NECTIN1: variants seen among roughly 807,000 people sequenced by gnomAD.
NECTIN1 encodes nectin-1.
In NECTIN1, 23 loss-of-function variants were observed where a neutral mutation model predicts 48.0. The observed-to-expected ratio is 0.48, with a 90% confidence interval of 0.34 to 0.68. The LOEUF is 0.68. Ranked by LOEUF, NECTIN1 falls within the 30% of genes least tolerant of loss-of-function variation. NECTIN1 has a pLI of 0.01. For synonymous variants in NECTIN1, 270 were observed against 288.9 expected, an observed-to-expected ratio of 0.93 and a Z score of 0.66; for missense variants, 591 against 709.9, an observed-to-expected ratio of 0.83 and a Z score of 1.90.
chr11:119,715,580 T>C (rs1392973740), intron 1 of NECTIN1, among the ~76,000 whole-genome samples: 1 of 152,068 alleles, frequency 6.6e-6, no homozygotes, highest in Non-Finnish European at 1.5e-5. Context: ...GGTCTCGAAC[T>C]CCTGACCTCA....
intron 5 of NECTIN1, among the ~76,000 whole-genome samples, chr11:119,653,201 C>A (rs1458576200): frequency 6.6e-6 from 1 of 152,128 alleles, no homozygotes; most frequent in Non-Finnish European, 1.5e-5. Context: ...ACAGTTGTTA[C>A]CGTATTCCTC....
chr11:119,670,084 G>C (rs1012603038), intron 5 of NECTIN1, among the ~76,000 whole-genome samples: 3 of 151,202 alleles, frequency 2.0e-5, no homozygotes, highest in African/African-American at 7.3e-5. Context: ...TCAGCCTCTT[G>C]AGTAGCTGGG....
Position 119,675,217 on chromosome 11 carries a change from G to C in NECTIN1, c.945C>G (p.Ile315Met). ...PINYSLAGTY[I>M]CEATNPIGTR... Reference sequence around the variant, plus strand: ...TACCGATGGGGTTGGTGGCCTCACAGATGTAGGTCCCTGCCAGGCTGTAGT... The same window carrying C: ...TACCGATGGGGTTGGTGGCCTCACACATGTAGGTCCCTGCCAGGCTGTAGT... The change falls in exon 5 of 6, where the codon ATC becomes ATG. Residue 315 changes from isoleucine (I) to methionine (M), a missense_variant. Physicochemically the swap from Ile to Met is conservative, Grantham distance 10. Transcript: ENST00000264025. The C allele has an allele frequency of 6.2e-7, 1 of 1,614,196 alleles. No individual in the cohort carries two copies. Among genetic ancestry groups the C allele is most frequent in the South Asian group, 1.1e-5 (1 of 91,078 alleles).
Position 119,664,616 on chromosome 11 carries a change from G to A in NECTIN1, c.*131C>T. The A allele has an allele frequency of 6.9e-7, 1 of 1,441,176 alleles. No homozygotes were observed. The highest frequency in any genetic ancestry group is 9.1e-7 in the Non-Finnish European group (1 of 1,097,254). 89.3% of individuals were successfully genotyped at this position (1,441,176 alleles called of 1,614,324 possible). A position where few individuals can be genotyped will look rare whatever the true frequency, so the allele number is the denominator to read the frequency against. ...CCTGGGCTCCCCTGGCCCCCCAGGA[G>A]TTCGGGGCTGGCTTTGGGCAGCTGG... On this transcript the variant is annotated 3_prime_UTR_variant, in exon 6 of 6. Coordinates refer to ENST00000264025, the MANE Select transcript of NECTIN1 (RefSeq NM_002855.5).
chr11:119,660,780 AAAG>A (rs1864649845), downstream of NECTIN1, among the ~76,000 whole-genome samples: 1 of 152,152 alleles, frequency 6.6e-6, no homozygotes, highest in Non-Finnish European at 1.5e-5. Flanking sequence ...TGCTGTCGTC[AAAG>A]TCCATGGTCT....
In NECTIN1 at chr11:119,683,320, T is replaced by C. The variant is rs117216252; in HGVS notation, c.80-4555A>G. On this transcript the variant is annotated intron_variant, in intron 1 of 5. Transcript: ENST00000264025. The surrounding 1 kb of genome is among the most constrained non-coding windows in gnomAD (Gnocchi z 4.0). ...TGACTGGAGGGATTAGGTCACCTGC[T>C]CAGGGACACAGAACAGCAGCACCCA... Among the ~76,000 whole-genome samples the C allele has an allele frequency of 3.8e-3, 571 of 152,208 alleles. 6 individuals carry two copies. In the East Asian group the frequency reaches 0.048, roughly 13 times the overall value.
rs542744203 is a variant in NECTIN1 at position 119,639,344 on chromosome 11, T to C, written c.1151+521A>G. ...AAAAGTCAGTTATTCTAATCCTGTC[T>C]TTATTTACAATGTGGACGTTTTGTT... On this transcript the variant is annotated intron_variant, in intron 6 of 7. Transcript: ENST00000341398. Among the ~76,000 whole-genome samples, 3 of 152,328 alleles carry C rather than the reference T, an allele frequency of 2.0e-5. No individual in the cohort carries two copies. The South Asian group carries it at 6.2e-4, about 32-fold the overall frequency.
At chr11:119,686,646 C>T (rs568721706) in intron 1 of NECTIN1, among the ~76,000 whole-genome samples, 4 of 152,348 alleles carry the variant, frequency 2.6e-5, no homozygotes, top group African/African-American at 9.6e-5. Flanking sequence ...CCTTGCCACA[C>T]TTAACAATCC....
At position 119,677,037 on chromosome 11, in the gene NECTIN1, C is replaced by T; in HGVS notation, c.851+65G>A. On this transcript the variant is annotated intron_variant, in intron 4 of 5. Coordinates refer to ENST00000264025, the MANE Select transcript of NECTIN1 (RefSeq NM_002855.5). This position sits in a 1 kb window ranked among gnomAD's most constrained non-coding sequence, Gnocchi z 5.4. ...AAGGCTCCTGGAGGTAGGATGGTTGCCCCTCATCACCCGTGGTCCAGTCAG... is the reference window on the plus strand; with the variant it reads ...AAGGCTCCTGGAGGTAGGATGGTTGTCCCTCATCACCCGTGGTCCAGTCAG... The T allele has an allele frequency of 7.2e-7, 1 of 1,379,608 alleles. No individual in the cohort carries two copies. The allele number at this position is 1,379,608 out of a possible 1,614,324, so 85.5% of individuals were successfully genotyped here.
At position 119,668,549 on chromosome 11, in the gene NECTIN1, G is replaced by T. The variant is rs541849110; in HGVS notation, c.1004-3252C>A. ...AGCCTTTACACATGCAGTTTGCCCC[G>T]CCAGGAGTGCCTTTCCTCATCCTCC... On this transcript the variant is annotated intron_variant, in intron 5 of 5. Transcript: ENST00000264025. Among the ~76,000 whole-genome samples the T allele has an allele frequency of 2.7e-4, 41 of 152,228 alleles. No individual in the cohort carries two copies. The South Asian group carries it at 7.7e-3, about 29-fold the overall frequency.
intron 5 of NECTIN1, among the ~76,000 whole-genome samples, chr11:119,669,709 G>T (rs548137494): frequency 1.3e-5 from 2 of 152,156 alleles, no homozygotes; most frequent in East Asian, 3.9e-4. Flanking sequence ...CCGCTTTCCT[G>T]CAGGCTTGCC....
In NECTIN1 at chr11:119,727,941, A is replaced by ACC. The variant is rs1865939588; in HGVS notation, c.79+533_79+534insGG. ...GGAGCCGCCTCTGCCGCAGCAGCCG[A>ACC]CTCTCCGCGCCCGCTGTGGGGCGGT... is the stretch of plus-strand genomic sequence containing the variant. On this transcript the variant is annotated intron_variant, in intron 1 of 5. Transcript: ENST00000264025. This position sits in a 1 kb window ranked among gnomAD's most constrained non-coding sequence, Gnocchi z 4.1. Among the ~76,000 whole-genome samples the ACC allele has an allele frequency of 6.6e-6, 1 of 151,416 alleles. No homozygotes were observed. Among genetic ancestry groups the ACC allele is most frequent in the Non-Finnish European group, 1.5e-5 (1 of 67,860 alleles).
intron 5 of NECTIN1, among the ~76,000 whole-genome samples, chr11:119,653,287 C>T (rs959758872): frequency 4.6e-5 from 7 of 152,204 alleles, no homozygotes; most frequent in Non-Finnish European, 7.3e-5. Flanking sequence ...AAAATGATCA[C>T]GGTTGAGACC....
intron 5 of NECTIN1, chr11:119,642,876 C>T (rs926279437): frequency 6.5e-6 from 1 of 153,696 alleles, no homozygotes; most frequent in African/African-American, 2.4e-5. Flanking sequence ...TGTACATGTT[C>T]AGTGCTGACA....
At chr11:119,720,329 G>A (rs915538196) in intron 1 of NECTIN1, among the ~76,000 whole-genome samples, 5 of 152,262 alleles carry the variant, frequency 3.3e-5, no homozygotes, top group African/African-American at 1.2e-4. Context: ...AGTCCTGCCC[G>A]GGGCATGTAC....
At position 119,727,021 on chromosome 11, in the gene NECTIN1, C is replaced by G. The variant is rs997680715; in HGVS notation, c.79+1454G>C. Among the ~76,000 whole-genome samples the G allele has an allele frequency of 6.6e-6, 1 of 152,096 alleles. No homozygotes were observed. Among genetic ancestry groups the G allele is most frequent in the Non-Finnish European group, 1.5e-5 (1 of 67,986 alleles). ...GTGAGCCCTGGATTTTCCCCACCCCCCACATCGAGCAGGGCAGCACCCCAG... is the reference window on the plus strand; with the variant it reads ...GTGAGCCCTGGATTTTCCCCACCCCGCACATCGAGCAGGGCAGCACCCCAG... On this transcript the variant is annotated intron_variant, in intron 1 of 5. Coordinates refer to ENST00000264025, the MANE Select transcript of NECTIN1 (RefSeq NM_002855.5). The surrounding 1 kb of genome is among the most constrained non-coding windows in gnomAD (Gnocchi z 4.1).
At chr11:119,711,264 C>T (rs1865640538) in intron 1 of NECTIN1, among the ~76,000 whole-genome samples, 1 of 151,994 alleles carries the variant, frequency 6.6e-6, no homozygotes, top group African/African-American at 2.4e-5. Context: ...GTGGTGGGTG[C>T]CTGTAATCCC....
Position 119,678,474 on chromosome 11 carries a change from C to T in NECTIN1, c.371G>A (p.Cys124Tyr). The T allele has an allele frequency of 6.2e-7, 1 of 1,614,242 alleles. No individual in the cohort carries two copies. The highest frequency in any genetic ancestry group is 8.5e-7 in the Non-Finnish European group (1 of 1,180,048). ...GCCCGTAGGGAAGGTAGCAAACTCG[C>T]AGATGTAGACACCCTCATCCTCCAG... ...LELEDEGVYICEFATFPTGNR... is the reference protein window; with the variant it reads ...LELEDEGVYIYEFATFPTGNR... Residue 124 changes from cysteine (C) to tyrosine (Y), a missense_variant, in exon 2 of 6, where the codon TGC becomes TAC. Transcript: ENST00000264025. This position sits in a 1 kb window ranked among gnomAD's most constrained non-coding sequence, Gnocchi z 4.4.
chr11:119,640,202 A>G (rs990358571), intron 5 of NECTIN1: 1 of 642,634 alleles, frequency 1.6e-6, no homozygotes, highest in Non-Finnish European at 2.7e-6. Context: ...CTCCTCCTCT[A>G]GTTCCCTATG....
Sources: gnomAD v4.1 joint callset for allele counts (sites outside exome capture counted in the v4.1 genomes callset) on GRCh38, gnomAD v4.1.1 for gene constraint, Gnocchi (gnomAD v3.1) non-coding constraint, MANE v1.5 for transcripts, NCBI Gene and HGNC (gene_info 2026-07-23, HGNC 2026-07-21) for gene names.